PLEKHH2: variants seen among roughly 807,000 people sequenced by gnomAD.
The protein encoded by PLEKHH2 is pleckstrin homology, MyTH4 and FERM domain containing H2.
A neutral mutation model predicts 187.9 loss-of-function variants in PLEKHH2; 129 were observed. That is an observed-to-expected ratio of 0.69 (90% CI 0.59 to 0.79). The LOEUF is 0.79. Ranked by LOEUF, PLEKHH2 falls within the 30% of genes least tolerant of loss-of-function variation. The pLI, the probability that PLEKHH2 is intolerant of heterozygous loss-of-function variation, is 0.00. For missense variants in PLEKHH2, 2,076 were observed against 1,751.2 expected, an observed-to-expected ratio of 1.19 and a Z score of -3.31; for synonymous variants, 686 against 605.6, an observed-to-expected ratio of 1.13 and a Z score of -1.95.
intron 9 of PLEKHH2, among the ~76,000 whole-genome samples, chr2:43,705,501 T>C (rs1669616104): frequency 6.6e-6 from 1 of 151,998 alleles, no homozygotes; most frequent in Non-Finnish European, 1.5e-5. Flanking sequence ...TAAGCAATCC[T>C]CCTGCCTCAG....
At chr2:43,731,130 G>A (rs1671015254) in intron 18 of PLEKHH2, among the ~76,000 whole-genome samples, 1 of 152,168 alleles carries the variant, frequency 6.6e-6, no homozygotes, top group African/African-American at 2.4e-5. Context: ...GGGACTGAGG[G>A]AAAGGGTGGG....
chr2:43,683,695 A>T (rs62136371), intron 3 of PLEKHH2, among the ~76,000 whole-genome samples: 23,308 of 151,476 alleles, frequency 0.15, 1,876 homozygotes, highest in Middle Eastern at 0.23. Context: ...TAAAAATTTG[A>T]CTTTTCTTTC....
chr2:43,647,207 C>G (rs958514536), intron 2 of PLEKHH2, among the ~76,000 whole-genome samples: 2 of 152,140 alleles, frequency 1.3e-5, no homozygotes, highest in African/African-American at 4.8e-5. Flanking sequence ...GAAACTGTTG[C>G]TTACTATGCC....
intron 2 of PLEKHH2, among the ~76,000 whole-genome samples, chr2:43,646,132 G>A (rs1418210435): frequency 6.6e-6 from 1 of 152,030 alleles, no homozygotes; most frequent in Non-Finnish European, 1.5e-5. Flanking sequence ...AATGAATCCT[G>A]AACTTCAATG....
chr2:43,718,663 T>C (rs1670329636), intron 15 of PLEKHH2, among the ~76,000 whole-genome samples: 1 of 152,236 alleles, frequency 6.6e-6, no homozygotes, highest in Middle Eastern at 3.2e-3. Context: ...CATTGTTCTC[T>C]TTTAAAGATA....
rs147149151 is a variant in PLEKHH2 at position 43,740,389 on chromosome 2, T to C, written c.3124-557T>C. Among the ~76,000 whole-genome samples, 367 of 152,338 alleles carry C rather than the reference T, an allele frequency of 2.4e-3. 1 individual carries two copies. Among genetic ancestry groups the C allele is most frequent in the African/African-American group, 8.4e-3 (350 of 41,578 alleles). On this transcript the variant is annotated intron_variant, in intron 20 of 29. Transcript: ENST00000282406. ...AAGAGAATTCTGCTGTAACATGTTT[T>C]ATACTTCCTTGAAAAAATATAGAAA...
chr2:43,676,155 A>T, intron 2 of PLEKHH2: 1 of 1,614,038 alleles, frequency 6.2e-7, no homozygotes, highest in Non-Finnish European at 8.5e-7. Flanking sequence ...TCACTTTTGA[A>T]GTGTTTAAGA....
Position 43,644,732 on chromosome 2 carries a change from T to C in PLEKHH2, c.59T>C (p.Leu20Pro), listed in dbSNP as rs377620545. ...GATTGGAAGGAACGATGTGTAGCTC[T>C]GGAGTCCCAACTCATGAAATTTAGA... ...PVDWKERCVA[L>P]ESQLMKFRVQ... is the part of the protein sequence containing the mutation. The change falls in exon 2 of 30, where the codon CTG (leucine) becomes CCG (proline). Residue 20 changes from leucine (L) to proline (P), a missense_variant. Coordinates refer to ENST00000282406, the MANE Select transcript of PLEKHH2 (RefSeq NM_172069.4). 1.9e-6 allele frequency: 3 copies of C among 1,609,620 alleles called. No individual in the cohort carries two copies. Among genetic ancestry groups the C allele is most frequent in the Non-Finnish European group, 2.5e-6 (3 of 1,176,740 alleles).
At position 43,709,890 on chromosome 2, in the gene PLEKHH2, A is replaced by C. The variant is rs1365635305; in HGVS notation, c.1967-100A>C. On this transcript the variant is annotated intron_variant, in intron 11 of 29. Coordinates refer to ENST00000282406, the MANE Select transcript of PLEKHH2 (RefSeq NM_172069.4). Reference sequence around the variant, plus strand: ...GAATAAATCTAGTCTAGGGAGGCTTATGATTTAGGAATAATTGCATTCTGT... The same window carrying C: ...GAATAAATCTAGTCTAGGGAGGCTTCTGATTTAGGAATAATTGCATTCTGT... 15 of 1,200,734 alleles carry C rather than the reference A, an allele frequency of 1.2e-5. No individual in the cohort carries two copies. In the East Asian group the frequency reaches 1.7e-4, roughly 13 times the overall value. 74.4% of individuals were successfully genotyped at this position (1,200,734 alleles called of 1,614,324 possible).
intron 24 of PLEKHH2, 42 bp downstream of exon 24, chr2:43,746,005 A>C (rs1404177498): frequency 7.8e-7 from 1 of 1,286,742 alleles, no homozygotes; most frequent in Non-Finnish European, 1.1e-6. Flanking sequence ...TGAGTATACA[A>C]TATGTTCTAA....
rs143928845 is a variant in PLEKHH2 at position 43,699,813 on chromosome 2, C to G, written c.855C>G (p.Asp285Glu). The G allele has an allele frequency of 6.2e-7, 1 of 1,611,674 alleles. No homozygotes were observed. Among genetic ancestry groups the G allele is most frequent in the Non-Finnish European group, 8.5e-7 (1 of 1,177,830 alleles). Residue 285 changes from aspartate to glutamate, a missense_variant, in exon 8 of 30, where the codon GAC becomes GAG. Transcript: ENST00000282406. Reference protein sequence around the residue: ...ISQNSGAPVSDWSSDEEDGSK... With the variant: ...ISQNSGAPVSEWSSDEEDGSK... ...AGAATTCTGGGGCTCCTGTGAGTGA[C>G]TGGAGCTCTGATGAGGAAGACGGGA...
At chr2:43,739,255 A>G (rs1183307407) in intron 20 of PLEKHH2, among the ~76,000 whole-genome samples, 1 of 152,170 alleles carries the variant, frequency 6.6e-6, no homozygotes, top group East Asian at 1.9e-4. Context: ...ATTTTCCTAT[A>G]TCTTCAACAA....
chr2:43,656,279 A>T (rs1445070600), intron 2 of PLEKHH2, among the ~76,000 whole-genome samples: 1 of 151,786 alleles, frequency 6.6e-6, no homozygotes, highest in Non-Finnish European at 1.5e-5. Flanking sequence ...TTAAATGGGC[A>T]TTTTTTTTGC....
At position 43,692,680 on chromosome 2, in the gene PLEKHH2, TAAAGAG is replaced by T. The variant is rs1162879717; in HGVS notation, c.336+18_336+23del. 1.9e-6 allele frequency: 3 copies of T among 1,607,596 alleles called. No homozygotes were observed. The highest frequency in any genetic ancestry group is 2.6e-6 in the Non-Finnish European group (3 of 1,175,798). On this transcript the variant is annotated intron_variant, in intron 4 of 29. Transcript: ENST00000282406. ...GAAGAGCAGGTTAGGAAGAATTTGA[TAAAGAG>T]TTCTAAGTGTGTGCACTCATTTGTG...
intron 2 of PLEKHH2, among the ~76,000 whole-genome samples, chr2:43,650,836 G>A (rs889549487): frequency 1.3e-5 from 2 of 151,708 alleles, no homozygotes; most frequent in African/African-American, 2.4e-5. Flanking sequence ...TAGTAGAGAC[G>A]GGGTTTCACT....
At chr2:43,647,649 A>G (rs950003998) in intron 2 of PLEKHH2, among the ~76,000 whole-genome samples, 1 of 152,156 alleles carries the variant, frequency 6.6e-6, no homozygotes, top group African/African-American at 2.4e-5. Flanking sequence ...TGCCAACTCG[A>G]GTCAAATGTT....
At chr2:43,756,722 C>T (rs141438463) in intron 25 of PLEKHH2, among the ~76,000 whole-genome samples, 86 of 152,202 alleles carry the variant, frequency 5.7e-4, no homozygotes, top group Middle Eastern at 3.4e-3. Flanking sequence ...CCAAGGTAGG[C>T]GGATCACTTG....
intron 19 of PLEKHH2, among the ~76,000 whole-genome samples, chr2:43,735,045 C>G (rs1671222824): frequency 6.6e-6 from 1 of 152,062 alleles, no homozygotes; most frequent in African/African-American, 2.4e-5. Context: ...CAAAAATTAA[C>G]TGGGCGTAGT....
Position 43,710,145 on chromosome 2 carries a change from T to C in PLEKHH2, c.2103+19T>C, listed in dbSNP as rs1250012400. 2.5e-6 allele frequency: 4 copies of C among 1,609,936 alleles called. No homozygotes were observed. Among genetic ancestry groups the C allele is most frequent in the Non-Finnish European group, 3.4e-6 (4 of 1,178,544 alleles). On this transcript the variant is annotated intron_variant, in intron 12 of 29. Coordinates refer to ENST00000282406, the MANE Select transcript of PLEKHH2 (RefSeq NM_172069.4). ...GAAAAATGTAAATATTGAATATGATTTTTAAAAAGCAGTCAGTCAGATTGA... is the reference window on the plus strand; with the variant it reads ...GAAAAATGTAAATATTGAATATGATCTTTAAAAAGCAGTCAGTCAGATTGA...
Sources: gnomAD v4.1 joint callset for allele counts (sites outside exome capture counted in the v4.1 genomes callset) on GRCh38, gnomAD v4.1.1 for gene constraint, MANE v1.5 for transcripts, NCBI Gene and HGNC (gene_info 2026-07-23, HGNC 2026-07-21) for gene names.